The following LRRC23 variants were observed in gnomAD, a reference collection of about 807,000 sequenced individuals.
LRRC23 encodes leucine rich repeat containing 23, also known as leucine-rich repeat-containing protein 23.
In LRRC23, 28 loss-of-function variants were observed where a neutral mutation model predicts 37.7. The ratio of observed to expected loss-of-function variants is 0.74; its 90% confidence interval spans 0.55 to 1.02. LRRC23 has a LOEUF of 1.02. LRRC23 is among the 50% of genes least tolerant of loss of function. The pLI is 0.00. For missense variants in LRRC23, 377 were observed against 413.2 expected (o/e 0.91, Z 0.76); for synonymous variants, 161 against 165.4 (o/e 0.97, Z 0.20).
chr12:6,913,379 A>G (rs1217148288), intron 7 of LRRC23: 6 of 270,184 alleles, frequency 2.2e-5, no homozygotes, highest in Non-Finnish European at 4.3e-5. Flanking sequence ...TGGTGTATGC[A>G]GCTGGACCTA....
chr12:6,905,972 C>A lies in LRRC23; in HGVS notation c.236+18C>A, dbSNP rs1555139510. 6.3e-7 allele frequency: 1 copy of A among 1,597,496 alleles called. No individual in the cohort carries two copies. The highest frequency in any genetic ancestry group is 8.6e-7 in the Non-Finnish European group (1 of 1,165,530). ...AAAGAGAGGTGCGTTTTGGGGGGAC[C>A]AGATGAGGACTGTGAGACTGTAGGG... On this transcript the variant is annotated intron_variant, in intron 3 of 7. Transcript: ENST00000443597.
rs782338148 is a variant in LRRC23, at chr12:6,909,869, C to T, written c.622-21C>T. 5 of 1,599,036 alleles carry T rather than the reference C, an allele frequency of 3.1e-6. No homozygotes were observed. The African/African-American group carries it at 6.7e-5, about 22-fold the overall frequency. ...TATCCCTGCTCCCTCTCAATCAATCCACTGTGCCCTGGGGGTCTAGGCCCA... is the reference window on the plus strand; with the variant it reads ...TATCCCTGCTCCCTCTCAATCAATCTACTGTGCCCTGGGGGTCTAGGCCCA... On this transcript the variant is annotated intron_variant, in intron 5 of 7. Coordinates refer to ENST00000443597, the MANE Select transcript of LRRC23 (RefSeq NM_001135217.2).
Position 6,913,017 on chromosome 12 carries a change from C to A in LRRC23, c.*14C>A. The A allele has an allele frequency of 1.2e-6, 2 of 1,612,314 alleles. No homozygotes were observed. Among genetic ancestry groups the A allele is most frequent in the Non-Finnish European group, 1.7e-6 (2 of 1,178,804 alleles). ...TCATTGATCTAGCAGCAGTTCTAGC[C>A]TCTAAAGATAGTAAGGAAGCCTGCA... On this transcript the variant is annotated 3_prime_UTR_variant, in exon 7 of 8. Transcript: ENST00000443597.
intron 7 of LRRC23, chr12:6,913,273 TTGG>T: frequency 2.1e-6 from 1 of 476,266 alleles, no homozygotes; most frequent in South Asian, 2.5e-5. Flanking sequence ...GGCAGAGGAG[TTGG>T]TGGGGGGTGG....
At position 6,912,766 on chromosome 12, in the gene LRRC23, G is replaced by C. The variant is rs782369550; in HGVS notation, c.795G>C (p.Lys265Asn). The change falls in exon 7 of 8, where the codon AAG becomes AAC. Residue 265 changes from lysine to asparagine, a missense_variant. This residue lies in a region of LRRC23 where 266 missense variants were observed against 285.6 expected (regional missense o/e 0.93). Transcript: ENST00000443597. ...NMVANLGELA[K>N]LRDLPKLRAL... ...TGGCCAACCTGGGGGAGCTGGCCAA[G>C]CTTCGAGACCTGCCCAAGCTGCGAG... 1.9e-6 allele frequency: 3 copies of C among 1,614,116 alleles called. No homozygotes were observed. The highest frequency in any genetic ancestry group is 2.2e-5 in the South Asian group (2 of 91,086).
chr12:6,913,387 C>T (rs181464227), intron 7 of LRRC23: 46 of 251,516 alleles, frequency 1.8e-4, no homozygotes, highest in East Asian at 7.2e-4. Flanking sequence ...GCAGCTGGAC[C>T]TAGGAGAGAA....
rs782781033 is a variant in LRRC23, at chr12:6,914,157, T to C, written c.*291T>C. 2.3e-5 allele frequency: 30 copies of C among 1,298,178 alleles called. No individual in the cohort carries two copies. Among genetic ancestry groups the C allele is most frequent in the Non-Finnish European group, 3.0e-5 (29 of 958,864 alleles). 80.4% of individuals were successfully genotyped at this position (1,298,178 alleles called of 1,614,324 possible). A position where few individuals can be genotyped will look rare whatever the true frequency, so the allele number is the denominator to read the frequency against. ...CAAGACCGCGTGGGCCGCGGGGTGC[T>C]GGTAGGAGTGGTTGGAGAGACTTGC... On this transcript the variant is annotated 3_prime_UTR_variant, in exon 8 of 8. Transcript: ENST00000443597. The surrounding 1 kb of genome is among the most constrained non-coding windows in gnomAD (Gnocchi z 7.1).
Position 6,905,968 on chromosome 12 carries a change from G to T in LRRC23, c.236+14G>T. ...GGTTAAAGAGAGGTGCGTTTTGGGG[G>T]GACCAGATGAGGACTGTGAGACTGT... On this transcript the variant is annotated intron_variant, in intron 3 of 7. Coordinates refer to ENST00000443597, the MANE Select transcript of LRRC23 (RefSeq NM_001135217.2). 1 of 1,606,798 alleles carries T rather than the reference G, an allele frequency of 6.2e-7. No homozygotes were observed.
chr12:6,911,596 C>T (rs1555140758), intron 6 of LRRC23, among the ~76,000 whole-genome samples: 1 of 152,128 alleles, frequency 6.6e-6, no homozygotes, highest in African/African-American at 2.4e-5. Context: ...ATGGCAGAGT[C>T]CAGTACAAAG....
chr12:6,913,955 A>G lies in LRRC23; in HGVS notation c.*89A>G. ...CAGGGGCAGCCACCACATGTATGAC[A>G]GAGAACAGAGGATGCCTGTTTTTGC... On this transcript the variant is annotated 3_prime_UTR_variant, in exon 8 of 8. Transcript: ENST00000443597. 6.2e-7 allele frequency: 1 copy of G among 1,613,798 alleles called. No homozygotes were observed. The highest frequency in any genetic ancestry group is 8.5e-7 in the Non-Finnish European group (1 of 1,179,834).
intron 5 of LRRC23, among the ~76,000 whole-genome samples, chr12:6,908,952 C>G (rs1945027147): frequency 7.5e-6 from 1 of 133,606 alleles, no homozygotes; most frequent in Admixed American, 9.5e-5. Context: ...CCAGCACACC[C>G]AACTTTATAA....
At chr12:6,906,025 C>T (rs782240156) in intron 3 of LRRC23, 71 bp downstream of exon 3, 1 of 1,312,250 alleles carries the variant, frequency 7.6e-7, no homozygotes, top group East Asian at 2.3e-5. Flanking sequence ...ACTGTCATTC[C>T]TGGGTGTTCT....
At chr12:6,912,624 T>C (rs1945189136) in intron 6 of LRRC23, 106 bp from the exon 7 acceptor site, 1 of 1,031,714 alleles carries the variant, frequency 9.7e-7, no homozygotes. Context: ...CTCACAGTGT[T>C]TCTAGGGACA....
chr12:6,906,305 C>T lies in LRRC23; in HGVS notation c.237-104C>T, dbSNP rs1278695563. The T allele has an allele frequency of 2.3e-5, 26 of 1,118,526 alleles. No homozygotes were observed. In the East Asian group the frequency reaches 4.7e-4, roughly 20 times the overall value. The allele number at this position is 1,118,526 out of a possible 1,614,324, so 69.3% of individuals were successfully genotyped here. ...ACCATCTGTTGCCCATTCTTCTCCC[C>T]ATTATAAGCCATCTCCATATTGCCT... On this transcript the variant is annotated intron_variant, in intron 3 of 7. Transcript: ENST00000443597.
intron 7 of LRRC23, among the ~76,000 whole-genome samples, chr12:6,913,541 A>C (rs1481768557): frequency 4.1e-5 from 2 of 49,294 alleles, no homozygotes; most frequent in Non-Finnish European, 8.7e-5. Context: ...GAGAGGCTTT[A>C]TTTACCTCTG....
In LRRC23 at chr12:6,913,010, T is replaced by G; in HGVS notation, c.*7T>G. 1 of 1,613,492 alleles carries G rather than the reference T, an allele frequency of 6.2e-7. No homozygotes were observed. Among genetic ancestry groups the G allele is most frequent in the Non-Finnish European group, 8.5e-7 (1 of 1,179,694 alleles). On this transcript the variant is annotated 3_prime_UTR_variant, in exon 7 of 8. Coordinates refer to ENST00000443597, the MANE Select transcript of LRRC23 (RefSeq NM_001135217.2). Reference sequence around the variant, plus strand: ...CGAACAGTCATTGATCTAGCAGCAGTTCTAGCCTCTAAAGATAGTAAGGAA... The same window carrying G: ...CGAACAGTCATTGATCTAGCAGCAGGTCTAGCCTCTAAAGATAGTAAGGAA...
In LRRC23 at chr12:6,905,614, G is replaced by C. The variant is rs1944922155; in HGVS notation, c.-20G>C. ...AGGACTGAGCTTATCTGACTCCAGA[G>C]CTTTCAGGAGGGAAGAAAGATGTCA... is the stretch of plus-strand genomic sequence containing the variant. On this transcript the variant is annotated 5_prime_UTR_variant, in exon 2 of 8. Coordinates refer to ENST00000443597, the MANE Select transcript of LRRC23 (RefSeq NM_001135217.2). 1 of 1,613,038 alleles carries C rather than the reference G, an allele frequency of 6.2e-7. No individual in the cohort carries two copies. The highest frequency in any genetic ancestry group is 1.1e-5 in the South Asian group (1 of 90,964).
chr12:6,911,044 C>T (rs1945148088), intron 6 of LRRC23, among the ~76,000 whole-genome samples: 1 of 152,138 alleles, frequency 6.6e-6, no homozygotes, highest in South Asian at 2.1e-4. Context: ...TCCCAATTCA[C>T]CTTCCCATTT....
At chr12:6,913,551 GTTTGTTTTTTTTTTT>G (rs1224565556) in intron 7 of LRRC23, among the ~76,000 whole-genome samples, 17 of 78,174 alleles carry the variant, frequency 2.2e-4, no homozygotes, top group African/African-American at 7.2e-4. Flanking sequence ...ATTTACCTCT[GTTTGTTTTTTTTTTT>G]TTTTTTTTTT....
Sources: gnomAD v4.1 joint callset for allele counts (sites outside exome capture counted in the v4.1 genomes callset) on GRCh38, gnomAD v4.1.1 for gene constraint, gnomAD v4.1.1 regional missense constraint, Gnocchi (gnomAD v3.1) non-coding constraint, MANE v1.5 for transcripts, NCBI Gene and HGNC (gene_info 2026-07-23, HGNC 2026-07-21) for gene names.